Variants in ZNRF2 observed in about 807,000 individuals in gnomAD.
The protein encoded by ZNRF2 is zinc and ring finger 2, also known as E3 ubiquitin-protein ligase ZNRF2.
A neutral mutation model predicts 20.4 loss-of-function variants in ZNRF2; 16 were observed. That is an observed-to-expected ratio of 0.79 (90% CI 0.53 to 1.19). The LOEUF is 1.19. Ranked by LOEUF, ZNRF2 falls within the 50% of genes most tolerant of loss-of-function variation. The pLI is 0.00. For missense variants in ZNRF2, 363 were observed against 332.4 expected (o/e 1.09, Z -0.72); for synonymous variants, 178 against 144.9 (o/e 1.23, Z -1.64).
Position 30,285,342 on chromosome 7 carries a change from C to G in ZNRF2, c.-16C>G. The G allele has an allele frequency of 8.9e-7, 1 of 1,124,636 alleles. No individual in the cohort carries two copies. Among genetic ancestry groups the G allele is most frequent in the Non-Finnish European group, 1.1e-6 (1 of 920,772 alleles). 69.7% of individuals were successfully genotyped at this position (1,124,636 alleles called of 1,614,324 possible). ...TCGGGGCGCAGCGCGCGGGCCCGGC[C>G]CGGGGCAGGGCGGACATGGGCGCCA... On this transcript the variant is annotated 5_prime_UTR_variant, in exon 1 of 5. Coordinates refer to ENST00000323037, the MANE Select transcript of ZNRF2 (RefSeq NM_147128.4).
At position 30,366,165 on chromosome 7, in the gene ZNRF2, A is replaced by G. The variant is rs1321116883; in HGVS notation, c.*153A>G. ...AGACTTGGTAATACAGAGATGGACA[A>G]TCGTACTGGGGTAAAAAAACCCTGC... On this transcript the variant is annotated 3_prime_UTR_variant, in exon 5 of 5. Transcript: ENST00000323037. 6.6e-6 allele frequency: 1 copy of G among 152,604 alleles called. No individual in the cohort carries two copies. The highest frequency in any genetic ancestry group is 1.5e-5 in the Non-Finnish European group (1 of 68,026). 9.5% of individuals were successfully genotyped at this position (152,604 alleles called of 1,614,324 possible).
intron 1 of ZNRF2, among the ~76,000 whole-genome samples, chr7:30,308,867 T>G (rs1266805628): frequency 6.6e-6 from 1 of 152,166 alleles, no homozygotes; most frequent in Admixed American, 6.6e-5. Flanking sequence ...ACTACAGACT[T>G]TCTAAAAATA....
At chr7:30,301,087 T>TA (rs770205380) in intron 1 of ZNRF2, among the ~76,000 whole-genome samples, 2 of 152,220 alleles carry the variant, frequency 1.3e-5, no homozygotes, top group Non-Finnish European at 2.9e-5. Flanking sequence ...GCTCTGCTCT[T>TA]ACAGCCTTTC....
rs942546298 is a variant in ZNRF2 at position 30,300,069 on chromosome 7, C to T, written c.469+14243C>T. The stretch of plus-strand genomic sequence containing the variant: ...AAAGTGCAGGGATTACAGGCGTGAG[C>T]CATCCCGGCCGTAAAACCTGCTTTT... On this transcript the variant is annotated intron_variant, in intron 1 of 4. Transcript: ENST00000323037. 5.3e-5 allele frequency among the ~76,000 whole-genome samples: 8 copies of T among 151,762 alleles called. No individual in the cohort carries two copies. In the South Asian group the frequency reaches 1.7e-3, roughly 32 times the overall value.
chr7:30,295,059 GT>G (rs1798994805), intron 1 of ZNRF2, among the ~76,000 whole-genome samples: 1 of 108,808 alleles, frequency 9.2e-6, no homozygotes, highest in African/African-American at 6.0e-5. Flanking sequence ...GAGTGTGTGT[GT>G]GTGTGTGTGT....
intron 2 of ZNRF2, among the ~76,000 whole-genome samples, chr7:30,327,384 C>G (rs1169143981): frequency 1.3e-5 from 2 of 152,024 alleles, no homozygotes; most frequent in Non-Finnish European, 2.9e-5. Flanking sequence ...GTTATCCCAG[C>G]ACCATTTATT....
At chr7:30,294,601 G>T (rs1460896820) in intron 1 of ZNRF2, among the ~76,000 whole-genome samples, 2 of 152,042 alleles carry the variant, frequency 1.3e-5, no homozygotes, top group Non-Finnish European at 2.9e-5. Context: ...TGGACAACAT[G>T]GTGAAACCCC....
At chr7:30,335,518 C>T (rs754118847) in intron 2 of ZNRF2, among the ~76,000 whole-genome samples, 2 of 152,130 alleles carry the variant, frequency 1.3e-5, no homozygotes, top group Non-Finnish European at 2.9e-5. Flanking sequence ...CAGCCCACAT[C>T]TGTCCGCAGT....
At chr7:30,293,430 G>C (rs928884974) in intron 1 of ZNRF2, among the ~76,000 whole-genome samples, 2 of 152,028 alleles carry the variant, frequency 1.3e-5, no homozygotes, top group East Asian at 1.9e-4. Context: ...TGTATTTTTA[G>C]TAGAGACTGG....
At chr7:30,321,496 GGA>G (rs1350705528) in intron 1 of ZNRF2, among the ~76,000 whole-genome samples, 8 of 151,916 alleles carry the variant, frequency 5.3e-5, no homozygotes, top group Non-Finnish European at 8.8e-5. Flanking sequence ...TTGGAGGGGA[GGA>G]GAGAGAAACA....
intron 2 of ZNRF2, among the ~76,000 whole-genome samples, chr7:30,350,146 G>T (rs1009785425): frequency 7.2e-5 from 11 of 151,994 alleles, no homozygotes; most frequent in African/African-American, 2.7e-4. Context: ...GCTATGTCTA[G>T]GTGTGGAATT....
chr7:30,296,070 T>G (rs551665564), intron 1 of ZNRF2, among the ~76,000 whole-genome samples: 1 of 152,348 alleles, frequency 6.6e-6, no homozygotes, highest in African/African-American at 2.4e-5. Context: ...ATTGAATGTT[T>G]CCCAAAATGT....
intron 2 of ZNRF2, among the ~76,000 whole-genome samples, chr7:30,352,168 CTT>C (rs754181623): frequency 6.6e-5 from 10 of 151,974 alleles, no homozygotes; most frequent in East Asian, 5.8e-4. Flanking sequence ...TAAAAGGAAA[CTT>C]GAGGTTGACG....
At chr7:30,356,860 C>T (rs1291135289) in intron 3 of ZNRF2, among the ~76,000 whole-genome samples, 1 of 152,044 alleles carries the variant, frequency 6.6e-6, no homozygotes, top group African/African-American at 2.4e-5. Flanking sequence ...CGCCTGCCAC[C>T]ATGCCCGGCT....
intron 2 of ZNRF2, among the ~76,000 whole-genome samples, chr7:30,331,170 A>G (rs11974360): frequency 0.12 from 18,117 of 152,174 alleles, 2,904 homozygotes; most frequent in African/African-American, 0.37. Flanking sequence ...AAACCCATAC[A>G]GGATTCCTGT....
rs1179697543 is a variant in ZNRF2, at chr7:30,366,997, A to T, written c.*985A>T. ...ATGTTTAGCAGGCTGTAAACTTAAG[A>T]AAAGGGTAAAATAAAATTTTCTGGA... is the stretch of plus-strand genomic sequence containing the variant. On this transcript the variant is annotated 3_prime_UTR_variant, in exon 5 of 5. Transcript: ENST00000323037. The T allele has an allele frequency of 6.6e-6, 1 of 152,558 alleles. No homozygotes were observed. Among genetic ancestry groups the T allele is most frequent in the Non-Finnish European group, 1.5e-5 (1 of 67,976 alleles). The allele number at this position is 152,558 out of a possible 1,614,324, so 9.5% of individuals were successfully genotyped here. A position where few individuals can be genotyped will look rare whatever the true frequency, so the allele number is the denominator to read the frequency against.
chr7:30,364,881 G>C (rs1294840298), intron 4 of ZNRF2, among the ~76,000 whole-genome samples: 1 of 152,154 alleles, frequency 6.6e-6, no homozygotes, highest in East Asian at 1.9e-4. Context: ...AAGCTGGGAA[G>C]TCTAAGATCA....
At chr7:30,349,263 C>G (rs1374865232) in intron 2 of ZNRF2, among the ~76,000 whole-genome samples, 2 of 152,108 alleles carry the variant, frequency 1.3e-5, no homozygotes, top group African/African-American at 4.8e-5. Context: ...TGTGACTTGT[C>G]CAAAGCTCAA....
At chr7:30,315,559 A>C (rs1243682362) in intron 1 of ZNRF2, among the ~76,000 whole-genome samples, 1 of 152,098 alleles carries the variant, frequency 6.6e-6, no homozygotes, top group Non-Finnish European at 1.5e-5. Context: ...TTGCATTCTC[A>C]CAAAGTTGAG....
Sources: gnomAD v4.1 joint callset for allele counts (sites outside exome capture counted in the v4.1 genomes callset) on GRCh38, gnomAD v4.1.1 for gene constraint, MANE v1.5 for transcripts, NCBI Gene and HGNC (gene_info 2026-07-23, HGNC 2026-07-21) for gene names.